C10orf67: variants seen among roughly 807,000 people sequenced by gnomAD.
The protein encoded by C10orf67 is uncharacterized protein C10orf67, mitochondrial.
A neutral mutation model predicts 35.6 loss-of-function variants in C10orf67; 60 were observed. That is an observed-to-expected ratio of 1.68 (90% CI 1.37 to 2.09). The LOEUF is 2.09. Ranked by LOEUF, C10orf67 falls within the 30% of genes most tolerant of loss-of-function variation. The pLI, the probability that C10orf67 is intolerant of heterozygous loss-of-function variation, is 0.00. For synonymous variants in C10orf67, 167 were observed against 115.8 expected (o/e 1.44, Z -2.84); for missense variants, 474 against 330.2 (o/e 1.44, Z -3.38).
chr10:23,206,171 G>A (rs1301597975), intron 15 of C10orf67, among the ~76,000 whole-genome samples: 1 of 152,182 alleles, frequency 6.6e-6, no homozygotes, highest in Non-Finnish European at 1.5e-5. Flanking sequence ...ACTAAACCGT[G>A]TAACCAAATC....
chr10:23,256,994 C>T (rs1460966883), intron 10 of C10orf67, among the ~76,000 whole-genome samples: 1 of 152,194 alleles, frequency 6.6e-6, no homozygotes, highest in Non-Finnish European at 1.5e-5. Flanking sequence ...AAGTTTTCAA[C>T]TGCTGGGATG....
chr10:23,336,010 A>G, intron 1 of C10orf67, among the ~76,000 whole-genome samples: 1 of 152,172 alleles, frequency 6.6e-6, no homozygotes, highest in East Asian at 1.9e-4. Flanking sequence ...GTGGTCAATG[A>G]CATGGGGCCA....
intron 5 of C10orf67, among the ~76,000 whole-genome samples, chr10:23,299,850 C>T (rs543377446): frequency 3.3e-5 from 5 of 151,986 alleles, no homozygotes; most frequent in South Asian, 2.1e-4. Flanking sequence ...TGGTGGCGGG[C>T]GCCTGTAGTC....
intron 8 of C10orf67, among the ~76,000 whole-genome samples, chr10:23,269,247 T>A (rs530917568): frequency 6.6e-6 from 1 of 152,160 alleles, no homozygotes; most frequent in Non-Finnish European, 1.5e-5. Flanking sequence ...AACTGTAACA[T>A]GATGAATGAA....
intron 2 of C10orf67, among the ~76,000 whole-genome samples, chr10:23,327,142 G>C (rs1845232781): frequency 3.3e-5 from 5 of 151,832 alleles, no homozygotes; most frequent in African/African-American, 1.2e-4. Flanking sequence ...TAGTAGAGGA[G>C]AGAATAGAAA....
At position 23,327,179 on chromosome 10, in the gene C10orf67, G is replaced by C. The variant is rs1845234340; in HGVS notation, c.328-4642C>G. On this transcript the variant is annotated intron_variant, in intron 2 of 15. Transcript: ENST00000636213. ...TAAAGAAAAGTTAATACAATCATTG[G>C]AGAGTAGGGAAGGAGAAAAAAGGTA... 3.9e-5 allele frequency among the ~76,000 whole-genome samples: 6 copies of C among 151,932 alleles called. No individual in the cohort carries two copies. In the South Asian group the frequency reaches 1.2e-3, roughly 32 times the overall value.
intron 15 of C10orf67, among the ~76,000 whole-genome samples, chr10:23,211,274 C>T (rs1039616215): frequency 6.6e-6 from 1 of 152,216 alleles, no homozygotes; most frequent in Non-Finnish European, 1.5e-5. Context: ...TCTCTGCCAT[C>T]ACATAGTGTC....
intron 15 of C10orf67, among the ~76,000 whole-genome samples, chr10:23,220,013 A>G (rs1464033287): frequency 6.6e-6 from 1 of 152,094 alleles, no homozygotes; most frequent in Non-Finnish European, 1.5e-5. Flanking sequence ...CTTTACAAAA[A>G]ATAAAGAAAT....
intron 1 of C10orf67, among the ~76,000 whole-genome samples, chr10:23,340,897 C>A (rs1474525951): frequency 6.6e-6 from 1 of 152,136 alleles, no homozygotes; most frequent in African/African-American, 2.4e-5. Context: ...TTTTGGAAAA[C>A]AGACCTATGA....
chr10:23,278,742 G>A (rs1843269904), intron 8 of C10orf67, among the ~76,000 whole-genome samples: 1 of 152,178 alleles, frequency 6.6e-6, no homozygotes, highest in African/African-American at 2.4e-5. Flanking sequence ...ACCAAGAGAG[G>A]TCAGTTCAGG....
intron 10 of C10orf67, among the ~76,000 whole-genome samples, chr10:23,265,354 C>T (rs747773712): frequency 1.3e-5 from 2 of 152,202 alleles, no homozygotes; most frequent in South Asian, 2.1e-4. Context: ...CTCCTCCATG[C>T]TCTAAGTGAG....
In C10orf67 at chr10:23,293,625, G is replaced by A. The variant is rs189663159; in HGVS notation, c.703-2346C>T. 7.9e-4 allele frequency among the ~76,000 whole-genome samples: 121 copies of A among 152,348 alleles called. 2 individuals are homozygous for A. In the East Asian group the frequency reaches 0.022, roughly 28 times the overall value. ...TAGCCGTTTAAACCACACTATAAGA[G>A]AGACTGTGTGCAATCCATGATCATT... On this transcript the variant is annotated intron_variant, in intron 5 of 15. Transcript: ENST00000636213.
At chr10:23,266,532 A>C (rs954223238) in intron 9 of C10orf67, 106 bp from the exon 10 acceptor site, 14 of 396,848 alleles carry the variant, frequency 3.5e-5, no homozygotes, top group Non-Finnish European at 5.3e-5. Context: ...TGCAGAACTG[A>C]GGTTTTCAGT....
chr10:23,205,148 A>C (rs576546269), intron 15 of C10orf67, among the ~76,000 whole-genome samples: 1 of 152,338 alleles, frequency 6.6e-6, no homozygotes, highest in South Asian at 2.1e-4. Flanking sequence ...TCCAGAGCCT[A>C]TCTGGGTCAA....
intron 15 of C10orf67, among the ~76,000 whole-genome samples, chr10:23,211,432 A>C (rs1467994142): frequency 6.8e-6 from 1 of 147,634 alleles, no homozygotes; most frequent in African/African-American, 2.5e-5. Context: ...CTGAGATTAA[A>C]GTCTCAACAT....
At chr10:23,220,991 T>C (rs1220664994) in intron 15 of C10orf67, among the ~76,000 whole-genome samples, 2 of 152,172 alleles carry the variant, frequency 1.3e-5, no homozygotes, top group Admixed American at 1.3e-4. Flanking sequence ...TTGAAAGTGT[T>C]CGGTTGGGAT....
intron 7 of C10orf67, among the ~76,000 whole-genome samples, chr10:23,287,628 A>T (rs926089209): frequency 1.3e-5 from 2 of 152,228 alleles, no homozygotes; most frequent in Non-Finnish European, 1.5e-5. Context: ...GACGAATGGG[A>T]TCTGATTAAA....
chr10:23,322,983 T>C (rs1845017559), intron 2 of C10orf67, among the ~76,000 whole-genome samples: 1 of 152,146 alleles, frequency 6.6e-6, no homozygotes, highest in South Asian at 2.1e-4. Context: ...TGTCCTGATT[T>C]TTAAGATGAT....
rs114062921 is a variant in C10orf67, at chr10:23,233,636, A to G, written c.1434+6093T>C. Among the ~76,000 whole-genome samples, 641 of 152,320 alleles carry G rather than the reference A, an allele frequency of 4.2e-3. 1 individual carries two copies. Among genetic ancestry groups the G allele is most frequent in the African/African-American group, 0.014 (601 of 41,560 alleles). The stretch of plus-strand genomic sequence containing the variant: ...TTTCGTGTGATAAAAAGAATAACAT[A>G]ATCATGATGTGGTTCTCTACAAAGA... On this transcript the variant is annotated intron_variant, in intron 13 of 15. Coordinates refer to ENST00000636213, the MANE Select transcript of C10orf67 (RefSeq NM_001371909.1).
Sources: allele counts gnomAD v4.1 joint callset (sites outside exome capture counted in the v4.1 genomes callset), GRCh38; gene constraint gnomAD v4.1.1; transcripts MANE v1.5; gene names NCBI Gene and HGNC (gene_info 2026-07-23, HGNC 2026-07-21).